Variants in COG6 observed in about 807,000 individuals in gnomAD.
COG6 encodes the protein component of oligomeric golgi complex 6.
COG6 carries 74 observed loss-of-function variants against 88.8 expected under a neutral mutation model. The observed-to-expected ratio is 0.83, with a 90% CI of 0.69 to 1.01. COG6 has a LOEUF of 1.01. Ranked by LOEUF, COG6 falls within the 50% of genes least tolerant of loss-of-function variation. The pLI is 0.00. For missense variants in COG6, 800 were observed against 797.9 expected (o/e 1.00, Z -0.03); for synonymous variants, 286 against 278.7 (o/e 1.03, Z -0.26).
Position 39,687,582 on chromosome 13 carries a change from C to T in COG6, c.868C>T (p.Pro290Ser), listed in dbSNP as rs748959066. ...GFIDALTRGG[P>S]GGTPRPIEMH... ...TATTGATGCGCTCACAAGAGGGGGC[C>T]CCGGAGGTACACCTAGACCAATTGA... Residue 290 changes from proline to serine, a missense_variant, in exon 9 of 19, where the codon CCC (proline) becomes TCC (serine). Physicochemically the swap from Pro to Ser is moderately conservative, Grantham distance 74 (BLOSUM62 -1). Transcript: ENST00000455146. 20 of 1,613,300 alleles carry T rather than the reference C, an allele frequency of 1.2e-5. No individual in the cohort carries two copies. In the Admixed American group the frequency reaches 3.0e-4, roughly 24 times the overall value.
chr13:39,681,228 A>G (rs980586142), intron 7 of COG6, among the ~76,000 whole-genome samples: 1 of 152,200 alleles, frequency 6.6e-6, no homozygotes, highest in Admixed American at 6.5e-5. Context: ...TGCTGCGCAA[A>G]TGGAATTCTC....
At position 39,744,010 on chromosome 13, in the gene COG6, T is replaced by G. The variant is rs531961738; in HGVS notation, c.1827-6936T>G. Among the ~76,000 whole-genome samples, 4 of 152,248 alleles carry G rather than the reference T, an allele frequency of 2.6e-5. No individual in the cohort carries two copies. In the South Asian group the frequency reaches 6.2e-4, roughly 24 times the overall value. ...AGAACCAGTGACAAAAACCACATGA[T>G]TATCTCAATAAACGCAGAAAGGGCC... On this transcript the variant is annotated intron_variant, in intron 18 of 18. Transcript: ENST00000455146.
downstream of COG6, among the ~76,000 whole-genome samples, chr13:39,754,858 A>G (rs565671871): frequency 6.6e-6 from 1 of 152,282 alleles, no homozygotes; most frequent in South Asian, 2.1e-4. Context: ...GTTGGCAAGA[A>G]GAAAAAATGA....
At chr13:39,727,394 A>G (rs1234586705) in intron 17 of COG6, 75 bp from the exon 18 acceptor site, 1 of 1,062,270 alleles carries the variant, frequency 9.4e-7, no homozygotes, top group Admixed American at 1.7e-5. Flanking sequence ...TAATTCTTAA[A>G]AGAGATGTTT....
At chr13:39,669,197 T>G (rs1049256565) in intron 4 of COG6, among the ~76,000 whole-genome samples, 4 of 152,232 alleles carry the variant, frequency 2.6e-5, no homozygotes, top group Non-Finnish European at 5.9e-5. Context: ...ACCATAAAAT[T>G]AGATTGCATT....
At chr13:39,771,853 G>A (rs1480099736) in intron 18 of COG6, among the ~76,000 whole-genome samples, 1 of 152,192 alleles carries the variant, frequency 6.6e-6, no homozygotes, top group Non-Finnish European at 1.5e-5. Flanking sequence ...TCTAATGCTT[G>A]CCAGGTTCCT....
intron 18 of COG6, among the ~76,000 whole-genome samples, chr13:39,758,482 A>G (rs1880915392): frequency 6.6e-6 from 1 of 152,212 alleles, no homozygotes; most frequent in African/African-American, 2.4e-5. Context: ...TAACCCTAAC[A>G]TGAAAAAATG....
intron 11 of COG6, among the ~76,000 whole-genome samples, chr13:39,690,781 A>C (rs1186730144): frequency 6.6e-6 from 1 of 151,920 alleles, no homozygotes; most frequent in Non-Finnish European, 1.5e-5. Context: ...CATAGGACCT[A>C]ACTGTATATT....
chr13:39,687,463 A>G, intron 8 of COG6, 40 bp from the exon 9 acceptor site: 1 of 1,598,768 alleles, frequency 6.3e-7, no homozygotes, highest in Admixed American at 1.7e-5. Context: ...AGCCACTAGA[A>G]ACAACCCCAA....
chr13:39,759,267 G>T (rs929425503), intron 18 of COG6, among the ~76,000 whole-genome samples: 1 of 152,094 alleles, frequency 6.6e-6, no homozygotes, highest in African/African-American at 2.4e-5. Context: ...ATTAAAACAG[G>T]CCTGTTCTCA....
At chr13:39,756,538 G>A (rs1319952865), downstream of COG6, among the ~76,000 whole-genome samples, 1 of 152,158 alleles carries the variant, frequency 6.6e-6, no homozygotes, top group East Asian at 1.9e-4. Context: ...TGAGCTCCAA[G>A]TCGGATGAAC....
At chr13:39,703,580 C>CT (rs751361411) in intron 13 of COG6, among the ~76,000 whole-genome samples, 1 of 151,910 alleles carries the variant, frequency 6.6e-6, no homozygotes, top group Non-Finnish European at 1.5e-5. Flanking sequence ...TTCAATAGAA[C>CT]TTTTTTTATA....
At chr13:39,788,593 G>T in exon 19 of COG6, 1 of 532,484 alleles carries the variant, frequency 1.9e-6, no homozygotes, top group South Asian at 2.9e-5. Flanking sequence ...CACACACACA[G>T]CATGTAGAGT....
At chr13:39,677,818 C>T (rs186453826) in intron 5 of COG6, among the ~76,000 whole-genome samples, 28 of 152,286 alleles carry the variant, frequency 1.8e-4, no homozygotes, top group African/African-American at 6.7e-4. Context: ...TTCCTCACCT[C>T]TAGGTCTTTT....
chr13:39,759,933 C>T (rs1172270250), intron 18 of COG6, among the ~76,000 whole-genome samples: 1 of 152,126 alleles, frequency 6.6e-6, no homozygotes, highest in African/African-American at 2.4e-5. Context: ...TATATAGCAT[C>T]TTTTGGCAAA....
At chr13:39,699,421 C>A in intron 12 of COG6, 80 bp from the exon 13 acceptor site, 1 of 723,510 alleles carries the variant, frequency 1.4e-6, no homozygotes, top group Admixed American at 2.1e-5. Flanking sequence ...AATCTAGATC[C>A]TTTTAAAGCA....
At chr13:39,754,266 C>T (rs545500431), downstream of COG6, among the ~76,000 whole-genome samples, 3 of 152,162 alleles carry the variant, frequency 2.0e-5, no homozygotes, top group African/African-American at 7.2e-5. Context: ...CCTTTTCTAT[C>T]CAGAATAATG....
chr13:39,677,328 C>T (rs1876031911), intron 4 of COG6, 140 bp from the exon 5 acceptor site: 1 of 651,126 alleles, frequency 1.5e-6, no homozygotes, highest in Non-Finnish European at 2.7e-6. Flanking sequence ...ATATTTGAGG[C>T]AGAAACAAGA....
intron 3 of COG6, among the ~76,000 whole-genome samples, chr13:39,664,542 G>C (rs1875122245): frequency 6.6e-6 from 1 of 152,174 alleles, no homozygotes; most frequent in African/African-American, 2.4e-5. Flanking sequence ...CTTAGGGAAG[G>C]GAGAATTGCT....
Sources: gnomAD v4.1 joint callset for allele counts (sites outside exome capture counted in the v4.1 genomes callset) on GRCh38, gnomAD v4.1.1 for gene constraint, MANE v1.5 for transcripts, NCBI Gene and HGNC (gene_info 2026-07-23, HGNC 2026-07-21) for gene names.